The following VASP variants were observed in gnomAD, a reference collection of about 807,000 sequenced individuals.
VASP encodes vasodilator-stimulated phosphoprotein.
In VASP, 27 loss-of-function variants were observed where a neutral mutation model predicts 54.4. That is an observed-to-expected ratio of 0.50 (90% CI 0.37 to 0.68). The LOEUF is 0.68. VASP is among the 30% of genes least tolerant of loss of function. The pLI, the probability that VASP is intolerant of heterozygous loss-of-function variation, is 0.00. For synonymous variants in VASP, 233 were observed against 209.8 expected (o/e 1.11, Z -0.96); for missense variants, 488 against 528.3 (o/e 0.92, Z 0.75).
intron 1 of VASP, among the ~76,000 whole-genome samples, chr19:45,511,922 G>A (rs1229367323): frequency 6.6e-6 from 1 of 152,130 alleles, no homozygotes; most frequent in Admixed American, 6.6e-5. Context: ...TGTGGCAAAC[G>A]CCCAAACCCC....
chr19:45,507,719 G>A lies in VASP; in HGVS notation c.-53G>A. The A allele has an allele frequency of 6.6e-7, 1 of 1,513,712 alleles. No individual in the cohort carries two copies. Among genetic ancestry groups the A allele is most frequent in the South Asian group, 1.2e-5 (1 of 82,848 alleles). The allele number at this position is 1,513,712 out of a possible 1,614,324, so 93.8% of individuals were successfully genotyped here. ...CCGAACCCCTGAACCTCCAGCCAGG[G>A]GCGCCCCGGGAGCAGCCAGCCCGTG... is the stretch of plus-strand genomic sequence containing the variant. On this transcript the variant is annotated 5_prime_UTR_variant, in exon 1 of 13. Coordinates refer to ENST00000245932, the MANE Select transcript of VASP (RefSeq NM_003370.4). This position sits in a 1 kb window ranked among gnomAD's most constrained non-coding sequence, Gnocchi z 4.4.
Position 45,522,488 on chromosome 19 carries a change from T to C in VASP, c.627T>C (p.Pro209=), listed in dbSNP as rs1347464282. The change falls in exon 6 of 13, where the codon CCT becomes CCC. Residue 209 remains proline, a synonymous_variant. Transcript: ENST00000245932. ...GGGGAGGACCACCCCCTGCACCCCC[T>C]CTCCCGGCAGCACAGGGCCCTGGTG... The part of the protein sequence containing the change: ...GAGGGPPPAP[P]LPAAQGPGGG... The C allele has an allele frequency of 6.8e-7, 1 of 1,460,730 alleles. No individual in the cohort carries two copies. Among genetic ancestry groups the C allele is most frequent in the South Asian group, 1.4e-5 (1 of 69,814 alleles). 90.5% of individuals were successfully genotyped at this position (1,460,730 alleles called of 1,614,324 possible).
chr19:45,524,085 G>T lies in VASP; in HGVS notation c.911-12G>T, dbSNP rs1471391103. On this transcript the variant is annotated splice_polypyrimidine_tract_variant and intron_variant, in intron 9 of 12. Coordinates refer to ENST00000245932, the MANE Select transcript of VASP (RefSeq NM_003370.4). ...TTGTCCCTGATCTTTCTGATTTCTTGCCTATCCCCAGAATCTGTGCGGAGA... is the reference window on the plus strand; with the variant it reads ...TTGTCCCTGATCTTTCTGATTTCTTTCCTATCCCCAGAATCTGTGCGGAGA... 1 of 1,613,902 alleles carries T rather than the reference G, an allele frequency of 6.2e-7. No individual in the cohort carries two copies. Among genetic ancestry groups the T allele is most frequent in the African/African-American group, 1.3e-5 (1 of 74,856 alleles).
chr19:45,525,785 C>T (rs1369769642), intron 11 of VASP, 161 bp from the exon 12 acceptor site: 3 of 642,542 alleles, frequency 4.7e-6, no homozygotes, highest in Admixed American at 3.3e-5. Flanking sequence ...AGGAGGATTA[C>T]CTGAGCCTGG....
intron 3 of VASP, among the ~76,000 whole-genome samples, chr19:45,520,373 G>C (rs1298996646): frequency 1.3e-5 from 2 of 152,204 alleles, no homozygotes; most frequent in African/African-American, 4.8e-5. Flanking sequence ...GGTTTTAGGT[G>C]ACTGCCGTGC....
At position 45,523,916 on chromosome 19, in the gene VASP, T is replaced by A. The variant is rs773433406; in HGVS notation, c.910+39T>A. 2.2e-5 allele frequency: 36 copies of A among 1,613,062 alleles called. 1 individual carries two copies. In the South Asian group the frequency reaches 4.0e-4, roughly 18 times the overall value. ...CCAGTCCAGCCACAGGAACTACAAA[T>A]CCCAGAATACTCTGTTCTCACATGT... On this transcript the variant is annotated intron_variant, in intron 9 of 12. Coordinates refer to ENST00000245932, the MANE Select transcript of VASP (RefSeq NM_003370.4).
At chr19:45,513,475 T>C (rs927319003) in intron 1 of VASP, among the ~76,000 whole-genome samples, 1 of 128,040 alleles carries the variant, frequency 7.8e-6, no homozygotes, top group Admixed American at 7.6e-5. Flanking sequence ...CTCCTTTTTT[T>C]TTTTTTTTTT....
intron 1 of VASP, among the ~76,000 whole-genome samples, chr19:45,517,424 C>T (rs1304261687): frequency 6.6e-6 from 1 of 151,812 alleles, no homozygotes; most frequent in Admixed American, 6.6e-5. Flanking sequence ...CAACCCGACT[C>T]TCCCTTTCCC....
Position 45,517,911 on chromosome 19 carries a change from CCT to C in VASP, c.178-17_178-16del. 1 of 1,608,008 alleles carries C rather than the reference CCT, an allele frequency of 6.2e-7. No homozygotes were observed. Among genetic ancestry groups the C allele is most frequent in the Non-Finnish European group, 8.5e-7 (1 of 1,177,552 alleles). On this transcript the variant is annotated splice_polypyrimidine_tract_variant and intron_variant, in intron 2 of 12. Coordinates refer to ENST00000245932, the MANE Select transcript of VASP (RefSeq NM_003370.4). ...CCCTGCGCCCGCCGCCCCTCACCCC[CCT>C]TTCCCCTCCCACCAGGTGGTCATCA...
Position 45,524,597 on chromosome 19 carries a change from T to A in VASP, c.984T>A (p.Thr328=), listed in dbSNP as rs369523123. The change falls in exon 11 of 13, where the codon ACT becomes ACA. Residue 328 remains threonine, a synonymous_variant. Transcript: ENST00000245932. The part of the protein sequence containing the change: ...PRMKSSSSVT[T]SETQPCTPSS... The stretch of plus-strand genomic sequence containing the variant: ...TGAAGTCGTCTTCTTCGGTGACCAC[T>A]TCCGAGACCCAACCCTGCACGCCCA... 299 of 1,613,952 alleles carry A rather than the reference T, an allele frequency of 1.9e-4. 3 individuals carry two copies. The South Asian group carries it at 2.6e-3, about 14-fold the overall frequency.
intron 7 of VASP, among the ~76,000 whole-genome samples, 154 bp from the exon 8 acceptor site, chr19:45,523,490 C>G (rs561768036): frequency 6.6e-6 from 1 of 152,124 alleles, no homozygotes; most frequent in African/African-American, 2.4e-5. Context: ...GGCCACTGCG[C>G]CCAGCACAAT....
chr19:45,512,524 G>A (rs772210468), intron 1 of VASP, among the ~76,000 whole-genome samples: 2 of 152,008 alleles, frequency 1.3e-5, no homozygotes, highest in Admixed American at 1.3e-4. Context: ...CTGACATCAA[G>A]AGGTCCGCCT....
intron 10 of VASP, 81 bp from the exon 11 acceptor site, chr19:45,524,489 T>C: frequency 7.2e-7 from 1 of 1,394,540 alleles, no homozygotes; most frequent in Non-Finnish European, 1.0e-6. Flanking sequence ...CAGAGCTCAA[T>C]GTGACCCCTG....
intron 11 of VASP, 195 bp downstream of exon 11, chr19:45,524,855 A>T (rs2122347524): frequency 1.8e-6 from 1 of 543,924 alleles, no homozygotes; most frequent in South Asian, 2.0e-5. Flanking sequence ...GACATTATTA[A>T]TCTATCACCG....
intron 1 of VASP, among the ~76,000 whole-genome samples, chr19:45,512,950 T>G (rs1189588812): frequency 6.6e-6 from 1 of 152,194 alleles, no homozygotes; most frequent in Non-Finnish European, 1.5e-5. Flanking sequence ...TACTTTGGCT[T>G]TTAAAAATTT....
chr19:45,520,860 A>T (rs907292425), intron 3 of VASP, among the ~76,000 whole-genome samples: 2 of 152,186 alleles, frequency 1.3e-5, no homozygotes, highest in Non-Finnish European at 2.9e-5. Context: ...GCTACTCAGG[A>T]GGCTGAGGCA....
rs1968966334 is a variant in VASP, at chr19:45,526,225, G to A, written c.*48G>A. On this transcript the variant is annotated 3_prime_UTR_variant, in exon 13 of 13. Transcript: ENST00000245932. ...CTTCTCCTTTCCGCACACCCGGCCT[G>A]TCACCCTGCTTTCCCTGCCTCTACT... 1 of 1,577,806 alleles carries A rather than the reference G, an allele frequency of 6.3e-7. No homozygotes were observed. The highest frequency in any genetic ancestry group is 1.4e-5 in the African/African-American group (1 of 72,662).
At chr19:45,518,960 T>C (rs1201373952) in intron 3 of VASP, among the ~76,000 whole-genome samples, 2 of 152,136 alleles carry the variant, frequency 1.3e-5, no homozygotes, top group African/African-American at 4.8e-5. Flanking sequence ...GCCTCCTGAG[T>C]AGCTGGGATT....
rs533604315 is a variant in VASP, at chr19:45,524,606, C to T, written c.993C>T (p.Thr331=). The change falls in exon 11 of 13, where the codon ACC becomes ACT. Residue 331 remains threonine, a synonymous_variant. Coordinates refer to ENST00000245932, the MANE Select transcript of VASP (RefSeq NM_003370.4). ...CTTCTTCGGTGACCACTTCCGAGAC[C>T]CAACCCTGCACGCCCAGCTCCAGTG... The part of the protein sequence containing the change: ...KSSSSVTTSE[T]QPCTPSSSDY... 13 of 1,613,986 alleles carry T rather than the reference C, an allele frequency of 8.1e-6. No homozygotes were observed. The highest frequency in any genetic ancestry group is 5.0e-5 in the Admixed American group (3 of 60,004).
Sources: allele counts gnomAD v4.1 joint callset (sites outside exome capture counted in the v4.1 genomes callset), GRCh38; gene constraint gnomAD v4.1.1; non-coding constraint Gnocchi (gnomAD v3.1); transcripts MANE v1.5; gene names NCBI Gene and HGNC (gene_info 2026-07-23, HGNC 2026-07-21).